The following MYO18B variants were observed in gnomAD, a reference collection of about 807,000 sequenced individuals.
The protein encoded by MYO18B is unconventional myosin-XVIIIb.
MYO18B carries 204 observed loss-of-function variants against 273.0 expected under a neutral mutation model. The observed-to-expected ratio is 0.75, with a 90% CI of 0.67 to 0.84. MYO18B has a LOEUF of 0.84. MYO18B is among the 40% of genes least tolerant of loss of function. The pLI, the probability that MYO18B is intolerant of heterozygous loss-of-function variation, is 0.00. For synonymous variants in MYO18B, 1,330 were observed against 1,305.7 expected (o/e 1.02, Z -0.40); for missense variants, 3,212 against 3,287.6 (o/e 0.98, Z 0.56).
rs551091361 is a variant in MYO18B, at chr22:25,986,941, T to C, written c.6157-5422T>C. 1.8e-4 allele frequency among the ~76,000 whole-genome samples: 28 copies of C among 152,360 alleles called. No individual in the cohort carries two copies. The South Asian group carries it at 5.0e-3, about 27-fold the overall frequency. ...AATAGCATATGTGTGTGTAATTTTT[T>C]TCAGCACCAGGCTCTGTAACATTTT... On this transcript the variant is annotated intron_variant, in intron 39 of 43. Coordinates refer to ENST00000335473, the MANE Select transcript of MYO18B (RefSeq NM_032608.7).
Position 25,772,552 on chromosome 22 carries a change from C to A in MYO18B, c.1869+42C>A, listed in dbSNP as rs530185752. On this transcript the variant is annotated intron_variant, in intron 7 of 43. Coordinates refer to ENST00000335473, the MANE Select transcript of MYO18B (RefSeq NM_032608.7). ...GTGGGCAGGGCTGAGGGGCTGAGGG[C>A]AGGGGGGCCTGGGGGGATCCCTCTG... 3.2e-6 allele frequency: 5 copies of A among 1,580,894 alleles called. No homozygotes were observed. In the South Asian group the frequency reaches 5.7e-5, roughly 18 times the overall value.
intron 34 of MYO18B, among the ~76,000 whole-genome samples, chr22:25,929,205 A>G (rs549400736): frequency 2.0e-5 from 3 of 151,970 alleles, no homozygotes; most frequent in East Asian, 1.9e-4. Flanking sequence ...ATAACATAAC[A>G]TCCCCAATTG....
At chr22:25,844,828 A>G (rs1167066464) in intron 18 of MYO18B, among the ~76,000 whole-genome samples, 1 of 152,224 alleles carries the variant, frequency 6.6e-6, no homozygotes, top group Non-Finnish European at 1.5e-5. Flanking sequence ...TTGCGAGCAC[A>G]CAGAGGACTG....
rs112533970 is a variant in MYO18B, at chr22:25,846,356, T to C, written c.3552+73T>C. On this transcript the variant is annotated intron_variant, in intron 19 of 43. Coordinates refer to ENST00000335473, the MANE Select transcript of MYO18B (RefSeq NM_032608.7). ...TCCTCATCTCCTCTGGGCTGAGTCA[T>C]GTGCCTACATCATCTCTAACCTCCC... The C allele has an allele frequency of 6.6e-6, 10 of 1,517,732 alleles. No individual in the cohort carries two copies. The African/African-American group carries it at 8.3e-5, about 13-fold the overall frequency. The allele number at this position is 1,517,732 out of a possible 1,614,324, so 94.0% of individuals were successfully genotyped here.
the MYO18B span, among the ~76,000 whole-genome samples, chr22:26,047,274 C>T: frequency 2.6e-5 from 4 of 152,002 alleles, no homozygotes; most frequent in East Asian, 1.9e-4. Context: ...CTACAGGCAC[C>T]CGCCACCATG....
In MYO18B at chr22:25,986,333, C is replaced by T. The variant is rs1057072032; in HGVS notation, c.6157-6030C>T. 3.3e-5 allele frequency among the ~76,000 whole-genome samples: 5 copies of T among 151,784 alleles called. No individual in the cohort carries two copies. The East Asian group carries it at 5.8e-4, about 18-fold the overall frequency. On this transcript the variant is annotated intron_variant, in intron 39 of 43. Transcript: ENST00000335473. ...ATAAAGTATATATTTTTTAACTTGC[C>T]TATGATAAAGATAATTCTTATTCTT...
intron 39 of MYO18B, among the ~76,000 whole-genome samples, chr22:25,956,476 A>G (rs995468631): frequency 2.2e-4 from 34 of 152,212 alleles, no homozygotes; most frequent in African/African-American, 6.8e-4. Context: ...TCGGCCACCC[A>G]AAGTGCTAGG....
intron 21 of MYO18B, among the ~76,000 whole-genome samples, chr22:25,856,385 G>A (rs772772354): frequency 2.6e-5 from 4 of 152,196 alleles, no homozygotes; most frequent in Non-Finnish European, 5.9e-5. Context: ...TACAGGACAT[G>A]CCATTCATGG....
rs1376505031 is a variant in MYO18B, at chr22:25,860,311, CTCTGTTGTTTT to C, written c.3886-8002_3886-7992del. Among the ~76,000 whole-genome samples the C allele has an allele frequency of 4.0e-5, 6 of 149,912 alleles. No homozygotes were observed. In the East Asian group the frequency reaches 1.2e-3, roughly 30 times the overall value. ...ACTTTTGATTTCACTGATTTTTTTT[CTCTGTTGTTTT>C]TCTGTTTTCTTTGGTTCTATTGTCT... On this transcript the variant is annotated intron_variant, in intron 21 of 43. Transcript: ENST00000335473.
chr22:26,045,796 C>T, the MYO18B span, among the ~76,000 whole-genome samples: 2 of 152,164 alleles, frequency 1.3e-5, no homozygotes, highest in African/African-American at 4.8e-5. Context: ...GTGAAAGGTC[C>T]CAGCGAAGAC....
At chr22:25,939,934 G>A (rs376198394) in intron 34 of MYO18B, among the ~76,000 whole-genome samples, 25 of 152,208 alleles carry the variant, frequency 1.6e-4, no homozygotes, top group African/African-American at 6.0e-4. Context: ...ACCCTACCTC[G>A]GAGTGCTATT....
At position 25,902,694 on chromosome 22, in the gene MYO18B, C is replaced by T. The variant is rs1465998249; in HGVS notation, c.4905C>T (p.Thr1635=). 1.3e-6 allele frequency: 2 copies of T among 1,593,832 alleles called. No individual in the cohort carries two copies. Among genetic ancestry groups the T allele is most frequent in the Middle Eastern group, 1.7e-4 (1 of 6,038 alleles). ...GTGAGAAAGTGACCCAGGAGAACACCAGTGTCCGGTGGGAGCTAGGCCAGC... is the reference window on the plus strand; with the variant it reads ...GTGAGAAAGTGACCCAGGAGAACACTAGTGTCCGGTGGGAGCTAGGCCAGC... ...GLREKVTQEN[T]SVRWELGQLQ... is the part of the protein sequence containing the mutation. The change falls in exon 30 of 44, where the codon ACC becomes ACT. Residue 1635 remains threonine (T), a synonymous_variant. Transcript: ENST00000335473.
At chr22:25,890,572 G>A (rs2091630697) in intron 25 of MYO18B, among the ~76,000 whole-genome samples, 184 bp from the exon 26 acceptor site, 1 of 152,200 alleles carries the variant, frequency 6.6e-6, no homozygotes, top group South Asian at 2.1e-4. Flanking sequence ...CACACAGCTA[G>A]TGAGTGTTGA....
In MYO18B at chr22:25,898,742, C is replaced by T. The variant is rs537281210; in HGVS notation, c.4823+281C>T. ...TCTGGGCCTTAACATCCCCATTTGT[C>T]GAGTGAAGGGTTTGTTGCAGACGGT... On this transcript the variant is annotated intron_variant, in intron 29 of 43. Coordinates refer to ENST00000335473, the MANE Select transcript of MYO18B (RefSeq NM_032608.7). The T allele has an allele frequency of 2.9e-4, 110 of 377,002 alleles. No homozygotes were observed. The Middle Eastern group carries it at 9.7e-3, about 33-fold the overall frequency. 23.4% of individuals were successfully genotyped at this position (377,002 alleles called of 1,614,324 possible).
chr22:25,952,467 G>T (rs1157578846), intron 38 of MYO18B, 44 bp downstream of exon 38: 2 of 1,607,058 alleles, frequency 1.2e-6, no homozygotes, highest in Non-Finnish European at 1.7e-6. Context: ...AGAGCAGGGA[G>T]AGCTTTTGTG....
intron 41 of MYO18B, among the ~76,000 whole-genome samples, chr22:26,004,122 ATAT>A (rs1158367803): frequency 9.9e-5 from 15 of 151,742 alleles, no homozygotes; most frequent in African/African-American, 3.6e-4. Flanking sequence ...CATATAAATA[ATAT>A]TAATAAATAT....
intron 1 of MYO18B, among the ~76,000 whole-genome samples, chr22:25,760,514 T>C (rs1010454444): frequency 1.3e-5 from 2 of 152,048 alleles, no homozygotes; most frequent in Admixed American, 1.3e-4. Context: ...GGTCTCTGTT[T>C]ACTTTTTGAT....
intron 31 of MYO18B, among the ~76,000 whole-genome samples, chr22:25,906,962 G>A (rs960274972): frequency 6.6e-6 from 1 of 152,186 alleles, no homozygotes; most frequent in Non-Finnish European, 1.5e-5. Flanking sequence ...TGAGATTTGG[G>A]TGGGGACACA....
In MYO18B at chr22:25,933,210, A is replaced by C. The variant is rs2092531669; in HGVS notation, c.5517+11801A>C. 2.6e-5 allele frequency among the ~76,000 whole-genome samples: 4 copies of C among 152,142 alleles called. No homozygotes were observed. In the South Asian group the frequency reaches 8.3e-4, roughly 32 times the overall value. ...ATTTCAGAGCCATTTTTATTTATGC[A>C]GGTCTGAGATTCCCAGGACAAAGGA... On this transcript the variant is annotated intron_variant, in intron 34 of 43. Transcript: ENST00000335473.
Sources: allele counts gnomAD v4.1 joint callset (sites outside exome capture counted in the v4.1 genomes callset), GRCh38; gene constraint gnomAD v4.1.1; transcripts MANE v1.5; gene names NCBI Gene and HGNC (gene_info 2026-07-23, HGNC 2026-07-21).